Variants in TSHZ2 observed in about 807,000 individuals in gnomAD.
TSHZ2 encodes the protein teashirt zinc finger homeobox 2, also known as teashirt homolog 2.
TSHZ2 carries 21 observed loss-of-function variants against 74.4 expected under a neutral mutation model. That is an observed-to-expected ratio of 0.28 (90% CI 0.20 to 0.41). The LOEUF (loss-of-function observed/expected upper bound fraction) is 0.41, where lower values mean the gene tolerates loss of function less well. Among genes scored for constraint, TSHZ2 ranks in the 10% least tolerant of loss-of-function variants. The pLI is 1.00. For missense variants in TSHZ2, 1,244 were observed against 1,293.5 expected, an observed-to-expected ratio of 0.96 and a Z score of 0.59; for synonymous variants, 540 against 515.3, an observed-to-expected ratio of 1.05 and a Z score of -0.65.
intron 2 of TSHZ2, among the ~76,000 whole-genome samples, chr20:53,417,921 A>G (rs79343771): frequency 0.03 from 4,502 of 152,274 alleles, 222 homozygotes; most frequent in African/African-American, 0.1. Flanking sequence ...TTTGAGTGCT[A>G]GAGACACAGC....
chr20:53,427,560 A>G (rs1983698274), intron 2 of TSHZ2, among the ~76,000 whole-genome samples: 1 of 152,218 alleles, frequency 6.6e-6, no homozygotes, highest in Non-Finnish European at 1.5e-5. Context: ...ACTTTAGAGA[A>G]AGCAACAAGC....
At chr20:53,284,625 T>C (rs1433489340) in intron 2 of TSHZ2, among the ~76,000 whole-genome samples, 1 of 152,208 alleles carries the variant, frequency 6.6e-6, no homozygotes, top group African/African-American at 2.4e-5. Context: ...CCGAAGTAAG[T>C]GTTTTGTGTT....
At chr20:53,473,818 T>G (rs1985905434) in intron 2 of TSHZ2, among the ~76,000 whole-genome samples, 1 of 152,014 alleles carries the variant, frequency 6.6e-6, no homozygotes, top group Admixed American at 6.6e-5. Context: ...TTAAAGGAGC[T>G]GATGGAGCTG....
At chr20:53,203,680 C>T (rs1411107040) in intron 1 of TSHZ2, among the ~76,000 whole-genome samples, 3 of 152,112 alleles carry the variant, frequency 2.0e-5, no homozygotes, top group African/African-American at 2.4e-5. Context: ...GTGGTCTCAT[C>T]GCCAGACATA....
intron 1 of TSHZ2, among the ~76,000 whole-genome samples, chr20:53,212,615 G>C (rs1047884872): frequency 3.9e-5 from 6 of 152,154 alleles, no homozygotes; most frequent in Admixed American, 1.3e-4. Context: ...ACTCAAATTA[G>C]CATCAAGAGG....
chr20:53,301,378 C>G (rs1991473925), intron 2 of TSHZ2, among the ~76,000 whole-genome samples: 1 of 152,234 alleles, frequency 6.6e-6, no homozygotes, highest in Non-Finnish European at 1.5e-5. Flanking sequence ...TTCTCAATGA[C>G]TGTGTGACCT....
intron 2 of TSHZ2, among the ~76,000 whole-genome samples, chr20:53,337,733 C>G (rs575930741): frequency 1.3e-5 from 2 of 152,324 alleles, no homozygotes; most frequent in South Asian, 4.1e-4. Context: ...ACTCATTTCC[C>G]TTCCATGCGT....
intron 1 of TSHZ2, chr20:53,179,557 G>A (rs1988423198): frequency 6.6e-6 from 1 of 152,188 alleles, no homozygotes; most frequent in South Asian, 2.1e-4. Context: ...AAGCTCACGT[G>A]CCACCTGAGT....
intron 1 of TSHZ2, among the ~76,000 whole-genome samples, chr20:53,195,364 G>A (rs1438542735): frequency 3.3e-5 from 5 of 150,948 alleles, no homozygotes; most frequent in Non-Finnish European, 7.4e-5. Context: ...CCTGAATTGT[G>A]CATAGCTCTG....
chr20:53,170,599 T>C (rs1453936283), intron 1 of TSHZ2, among the ~76,000 whole-genome samples: 1 of 152,196 alleles, frequency 6.6e-6, no homozygotes, highest in Non-Finnish European at 1.5e-5. Flanking sequence ...CACTGGATGA[T>C]TGTAGCACCT....
chr20:53,333,060 T>A (rs1261317455), intron 2 of TSHZ2, among the ~76,000 whole-genome samples: 2 of 152,202 alleles, frequency 1.3e-5, no homozygotes, highest in African/African-American at 4.8e-5. Flanking sequence ...TCAGAAGGTA[T>A]CTCCCTCTTC....
intron 2 of TSHZ2, among the ~76,000 whole-genome samples, chr20:53,467,525 T>C (rs1030736719): frequency 1.3e-5 from 2 of 152,224 alleles, no homozygotes; most frequent in African/African-American, 2.4e-5. Flanking sequence ...CGTTAAGCAC[T>C]TATTGAACGC....
At chr20:53,423,464 A>G (rs1983551076) in intron 2 of TSHZ2, among the ~76,000 whole-genome samples, 2 of 152,184 alleles carry the variant, frequency 1.3e-5, no homozygotes, top group African/African-American at 4.8e-5. Flanking sequence ...TTCTGAGGCA[A>G]GATACCTTGC....
At chr20:52,988,790 G>A (rs368289827) in intron 1 of TSHZ2, among the ~76,000 whole-genome samples, 21 of 152,224 alleles carry the variant, frequency 1.4e-4, no homozygotes, top group Admixed American at 4.6e-4. Context: ...CATCTGGGGC[G>A]TCTCAGTAAG....
At chr20:53,449,345 T>G (rs913267336) in intron 2 of TSHZ2, among the ~76,000 whole-genome samples, 4 of 152,212 alleles carry the variant, frequency 2.6e-5, no homozygotes, top group Admixed American at 1.3e-4. Context: ...GCATAGTGAA[T>G]AGCAAGTAGT....
chr20:53,155,606 T>C (rs565582242), intron 1 of TSHZ2, among the ~76,000 whole-genome samples: 72 of 151,952 alleles, frequency 4.7e-4, no homozygotes, highest in Admixed American at 9.8e-4. Context: ...TCACTGAAGA[T>C]TGAGGGAAAA....
chr20:53,322,875 C>A (rs570247184), intron 2 of TSHZ2, among the ~76,000 whole-genome samples: 48 of 152,352 alleles, frequency 3.2e-4, no homozygotes, highest in Non-Finnish European at 5.4e-4. Flanking sequence ...ACCCTGTTCT[C>A]TTCCTGGAGC....
intron 1 of TSHZ2, among the ~76,000 whole-genome samples, chr20:53,090,515 A>G (rs571829582): frequency 6.6e-6 from 1 of 152,148 alleles, no homozygotes; most frequent in Non-Finnish European, 1.5e-5. Context: ...GTTCCTTCCA[A>G]TTGAAAGATT....
chr20:52,990,245 A>T (rs1981929182), intron 1 of TSHZ2, among the ~76,000 whole-genome samples: 1 of 152,298 alleles, frequency 6.6e-6, no homozygotes, highest in African/African-American at 2.4e-5. Context: ...TTATAATTTG[A>T]ATATTTTTTG....
Sources: gnomAD v4.1 joint callset for allele counts (sites outside exome capture counted in the v4.1 genomes callset) on GRCh38, gnomAD v4.1.1 for gene constraint, MANE v1.5 for transcripts, NCBI Gene and HGNC (gene_info 2026-07-23, HGNC 2026-07-21) for gene names.